Variants in LMO7 observed in about 807,000 individuals in gnomAD.
LMO7 encodes the protein LIM domain only protein 7.
In LMO7, 120 loss-of-function variants were observed where a neutral mutation model predicts 206.5. That is an observed-to-expected ratio of 0.58 (90% CI 0.50 to 0.68). The LOEUF is 0.68. Ranked by LOEUF, LMO7 falls within the 30% of genes least tolerant of loss-of-function variation. LMO7 has a pLI of 0.00. For synonymous variants in LMO7, 706 were observed against 681.5 expected, an observed-to-expected ratio of 1.04 and a Z score of -0.56; for missense variants, 1,959 against 1,957.9, an observed-to-expected ratio of 1.00 and a Z score of -0.01.
chr13:75,734,215 CACA>C (rs1299153460), intron 3 of LMO7, among the ~76,000 whole-genome samples: 1 of 152,158 alleles, frequency 6.6e-6, no homozygotes, highest in Non-Finnish European at 1.5e-5. Flanking sequence ...AAATATACCC[CACA>C]CTGTCCCAAG....
intron 1 of LMO7, among the ~76,000 whole-genome samples, chr13:75,666,891 C>T (rs1046965950): frequency 1.3e-5 from 2 of 152,056 alleles, no homozygotes; most frequent in African/African-American, 4.8e-5. Flanking sequence ...AGGAGAGAAA[C>T]GAGGGCTCAA....
chr13:75,688,466 G>T (rs563851890), intron 1 of LMO7: 3 of 152,094 alleles, frequency 2.0e-5, no homozygotes, highest in Admixed American at 2.0e-4. Context: ...AACTTCTGTC[G>T]GTTTTCTGAC....
chr13:75,823,713 A>T lies in LMO7; in HGVS notation c.2789A>T (p.Asp930Val). Residue 930 changes from aspartate (D) to valine (V), a missense_variant, in exon 15 of 31, where the codon GAT (aspartate) becomes GTT (valine). By Grantham distance (152) the Asp-to-Val change is radical. Transcript: ENST00000377534. ...SQKEVAATEEDVTRLPSPTSP... is the reference protein window; with the variant it reads ...SQKEVAATEEVVTRLPSPTSP... Reference sequence around the variant, plus strand: ...AAAGAGGTAGCAGCAACAGAAGAAGATGTGACAAGGCTGCCCTCTCCTACA... The same window carrying T: ...AAAGAGGTAGCAGCAACAGAAGAAGTTGTGACAAGGCTGCCCTCTCCTACA... 1 of 1,614,154 alleles carries T rather than the reference A, an allele frequency of 6.2e-7. No individual in the cohort carries two copies. The highest frequency in any genetic ancestry group is 8.5e-7 in the Non-Finnish European group (1 of 1,180,022).
intron 2 of LMO7, among the ~76,000 whole-genome samples, chr13:75,721,267 ATTTG>A (rs1356251659): frequency 7.2e-5 from 11 of 152,330 alleles, no homozygotes; most frequent in South Asian, 4.1e-4. Flanking sequence ...ATTTTGAAGA[ATTTG>A]TTTGATATTT....
At chr13:75,766,781 G>C (rs1242299127) in intron 4 of LMO7, among the ~76,000 whole-genome samples, 1 of 152,036 alleles carries the variant, frequency 6.6e-6, no homozygotes, top group African/African-American at 2.4e-5. Flanking sequence ...CAGGAAGTAT[G>C]TATTATTCCC....
chr13:75,851,042 T>C (rs1039887484), intron 27 of LMO7, among the ~76,000 whole-genome samples: 3 of 152,186 alleles, frequency 2.0e-5, no homozygotes, highest in Admixed American at 6.5e-5. Context: ...TCTCGCACCA[T>C]GGCAATGCCT....
intron 1 of LMO7, among the ~76,000 whole-genome samples, chr13:75,681,027 A>C (rs1453690668): frequency 6.6e-6 from 1 of 151,134 alleles, no homozygotes; most frequent in Non-Finnish European, 1.5e-5. Flanking sequence ...TTTTGTTGTA[A>C]ATTTGTTTAA....
chr13:75,739,710 C>T (rs1047305034), intron 3 of LMO7, among the ~76,000 whole-genome samples: 1 of 152,172 alleles, frequency 6.6e-6, no homozygotes, highest in Non-Finnish European at 1.5e-5. Flanking sequence ...GCTGACACAT[C>T]GGGTTGTTCC....
intron 4 of LMO7, among the ~76,000 whole-genome samples, chr13:75,773,933 T>G (rs764669018): frequency 6.6e-6 from 1 of 152,228 alleles, no homozygotes; most frequent in Admixed American, 6.5e-5. Flanking sequence ...TTGCTTTTTT[T>G]TTGTTTTGTT....
chr13:75,639,500 A>T (rs1474327852), intron 1 of LMO7, among the ~76,000 whole-genome samples: 1 of 152,220 alleles, frequency 6.6e-6, no homozygotes, highest in Non-Finnish European at 1.5e-5. Context: ...AAACCAAGTA[A>T]TGGTTTCAAG....
chr13:75,624,097 T>A (rs1335454672), intron 2 of LMO7, among the ~76,000 whole-genome samples: 1 of 152,204 alleles, frequency 6.6e-6, no homozygotes, highest in African/African-American at 2.4e-5. Flanking sequence ...AATTCTCAAT[T>A]TCTATTTCAG....
At chr13:75,622,731 C>T (rs3818355) in intron 1 of LMO7, among the ~76,000 whole-genome samples, 121,798 of 152,124 alleles carry the variant, frequency 0.8, 49,505 homozygotes, top group Middle Eastern at 0.91. Flanking sequence ...TGATTTTCAA[C>T]AATTTTATGC....
chr13:75,648,121 AT>A (rs1566272496), intron 1 of LMO7, among the ~76,000 whole-genome samples: 2 of 150,600 alleles, frequency 1.3e-5, no homozygotes, highest in Admixed American at 6.6e-5. Context: ...AATTTTTAAA[AT>A]TTTTTTGTAG....
At chr13:75,719,591 T>A (rs1294123089) in intron 2 of LMO7, among the ~76,000 whole-genome samples, 1 of 152,168 alleles carries the variant, frequency 6.6e-6, no homozygotes, top group Non-Finnish European at 1.5e-5. Context: ...TGTGTGGCAC[T>A]TCCCCCTTCA....
upstream of LMO7, among the ~76,000 whole-genome samples, chr13:75,633,218 C>A (rs1457907423): frequency 6.6e-6 from 1 of 152,114 alleles, no homozygotes; most frequent in Non-Finnish European, 1.5e-5. Flanking sequence ...CATTTTCTTT[C>A]ATCATTCCAT....
chr13:75,853,732 G>A (rs1367005098), intron 28 of LMO7, among the ~76,000 whole-genome samples: 2 of 152,186 alleles, frequency 1.3e-5, no homozygotes, highest in African/African-American at 4.8e-5. Context: ...GCTCACGAAT[G>A]CTTCTCAAAT....
intron 11 of LMO7, among the ~76,000 whole-genome samples, chr13:75,813,564 T>A (rs2056667602): frequency 6.6e-6 from 1 of 152,136 alleles, no homozygotes; most frequent in Non-Finnish European, 1.5e-5. Context: ...TGTGGGTAAC[T>A]TTTTGTACCC....
chr13:75,648,352 G>T (rs886286915), intron 1 of LMO7, among the ~76,000 whole-genome samples: 3 of 152,194 alleles, frequency 2.0e-5, no homozygotes, highest in Admixed American at 6.5e-5. Flanking sequence ...GATGAGAAAA[G>T]AGAGGTTCAG....
chr13:75,708,723 AG>A, intron 1 of LMO7, among the ~76,000 whole-genome samples: 1 of 152,208 alleles, frequency 6.6e-6, no homozygotes, highest in East Asian at 1.9e-4. Context: ...GGGTCCTTTC[AG>A]TTATTTTCAG....
Sources: gnomAD v4.1 joint callset for allele counts (sites outside exome capture counted in the v4.1 genomes callset) on GRCh38, gnomAD v4.1.1 for gene constraint, MANE v1.5 for transcripts, NCBI Gene and HGNC (gene_info 2026-07-23, HGNC 2026-07-21) for gene names.